Variants in CENPP observed in about 807,000 individuals in gnomAD.
CENPP encodes centromere protein P.
A neutral mutation model predicts 35.6 loss-of-function variants in CENPP; 24 were observed. The observed-to-expected ratio is 0.67, with a 90% CI of 0.49 to 0.95. The LOEUF (loss-of-function observed/expected upper bound fraction) is 0.95, where lower values mean the gene tolerates loss of function less well. Ranked by LOEUF, CENPP falls within the 40% of genes least tolerant of loss-of-function variation. The pLI, the probability that CENPP is intolerant of heterozygous loss-of-function variation, is 0.00. For synonymous variants in CENPP, 120 were observed against 125.5 expected (o/e 0.96, Z 0.29); for missense variants, 332 against 345.3 (o/e 0.96, Z 0.31).
chr9:92,385,651 A>T, intron 5 of CENPP: 1 of 1,614,176 alleles, frequency 6.2e-7, no homozygotes, highest in East Asian at 2.2e-5. Flanking sequence ...TAATCTTTTT[A>T]AGCAAATAAA....
At chr9:92,326,180 A>T in intron 1 of CENPP, 75 bp downstream of exon 1, 1 of 925,648 alleles carries the variant, frequency 1.1e-6, no homozygotes, top group Non-Finnish European at 1.6e-6. Flanking sequence ...CTCCACAGAC[A>T]TCCTCGGTCT....
At chr9:92,474,689 T>C in intron 5 of CENPP, 1 of 1,613,916 alleles carries the variant, frequency 6.2e-7, no homozygotes, top group African/African-American at 1.3e-5. Context: ...TGGAAACAGA[T>C]CAAATGGAAA....
chr9:92,351,669 C>T (rs1310982121), intron 4 of CENPP, among the ~76,000 whole-genome samples: 1 of 152,006 alleles, frequency 6.6e-6, no homozygotes, highest in Non-Finnish European at 1.5e-5. Context: ...CTCGCTCTGT[C>T]GCCCAGGCAG....
At chr9:92,335,443 T>C (rs1008957078) in intron 2 of CENPP, among the ~76,000 whole-genome samples, 2 of 152,200 alleles carry the variant, frequency 1.3e-5, no homozygotes, top group African/African-American at 2.4e-5. Context: ...TTTGGCACAT[T>C]TATTTTTATG....
intron 5 of CENPP, among the ~76,000 whole-genome samples, chr9:92,425,899 T>A (rs955089576): frequency 2.0e-5 from 3 of 152,246 alleles, no homozygotes; most frequent in Non-Finnish European, 4.4e-5. Context: ...AAAATTGTTT[T>A]ATAGGCCTTC....
intron 5 of CENPP, among the ~76,000 whole-genome samples, chr9:92,570,876 A>G (rs924335300): frequency 1.3e-5 from 2 of 152,190 alleles, no homozygotes; most frequent in Admixed American, 6.5e-5. Context: ...AGAGGTGTTT[A>G]TAGTATTATC....
At chr9:92,561,271 C>A (rs186867088) in intron 5 of CENPP, among the ~76,000 whole-genome samples, 1 of 152,268 alleles carries the variant, frequency 6.6e-6, no homozygotes, top group East Asian at 1.9e-4. Flanking sequence ...AGACAAACTA[C>A]CATCCCTGTT....
chr9:92,488,210 G>A (rs1472455964), intron 5 of CENPP, among the ~76,000 whole-genome samples: 2 of 152,216 alleles, frequency 1.3e-5, no homozygotes, highest in East Asian at 1.9e-4. Flanking sequence ...GTATGTAGAT[G>A]CTCATTGTGA....
chr9:92,590,669 AGAACTGT>A (rs1417389533), intron 5 of CENPP, among the ~76,000 whole-genome samples: 3 of 152,242 alleles, frequency 2.0e-5, no homozygotes, highest in Admixed American at 6.5e-5. Flanking sequence ...AATAAATCCA[AGAACTGT>A]ACAATCCCTT....
chr9:92,403,231 T>G (rs1843191552), intron 5 of CENPP: 3 of 1,541,304 alleles, frequency 1.9e-6, no homozygotes, highest in African/African-American at 1.4e-5. Context: ...AGAAATAAAG[T>G]ACCTTAATAT....
intron 5 of CENPP, among the ~76,000 whole-genome samples, chr9:92,588,669 T>G (rs1236505623): frequency 6.6e-6 from 1 of 152,168 alleles, no homozygotes; most frequent in Non-Finnish European, 1.5e-5. Context: ...TGTATAATGC[T>G]TAGTTGAAAT....
At chr9:92,578,568 T>G (rs1215675681) in intron 5 of CENPP, among the ~76,000 whole-genome samples, 2 of 152,246 alleles carry the variant, frequency 1.3e-5, no homozygotes, top group African/African-American at 2.4e-5. Context: ...GAGCATTTTT[T>G]CATGTGTCTG....
intron 5 of CENPP, among the ~76,000 whole-genome samples, chr9:92,394,707 C>G (rs748802450): frequency 6.6e-6 from 1 of 151,724 alleles, no homozygotes; most frequent in Non-Finnish European, 1.5e-5. Flanking sequence ...CGGGTTCAAG[C>G]AATTCTCCTG....
chr9:92,598,749 T>G (rs1387637884), intron 5 of CENPP, among the ~76,000 whole-genome samples: 1 of 151,932 alleles, frequency 6.6e-6, no homozygotes, highest in South Asian at 2.1e-4. Context: ...GAAGGGGTTT[T>G]TTTTTTTTTT....
chr9:92,588,560 A>T (rs1850596270), intron 5 of CENPP, among the ~76,000 whole-genome samples: 1 of 151,992 alleles, frequency 6.6e-6, no homozygotes, highest in South Asian at 2.1e-4. Context: ...GCCAGCTGTG[A>T]GTTTTAAAAG....
chr9:92,607,021 A>G (rs1372632903), intron 5 of CENPP, among the ~76,000 whole-genome samples: 1 of 152,104 alleles, frequency 6.6e-6, no homozygotes, highest in African/African-American at 2.4e-5. Context: ...AAAAGTAAAA[A>G]CCACCCAAAA....
At chr9:92,380,791 G>A (rs1488324542) in intron 5 of CENPP, among the ~76,000 whole-genome samples, 2 of 152,200 alleles carry the variant, frequency 1.3e-5, no homozygotes, top group Admixed American at 1.3e-4. Flanking sequence ...TGTGCTGGCA[G>A]TTATGGTAAT....
chr9:92,442,867 G>A (rs1342097166), intron 5 of CENPP, among the ~76,000 whole-genome samples: 2 of 151,190 alleles, frequency 1.3e-5, no homozygotes, highest in Non-Finnish European at 2.9e-5. Context: ...AAAAAACATT[G>A]GATACAATTA....
rs986871280 is a variant in CENPP at position 92,615,589 on chromosome 9, C to T, written c.*2440C>T. 26 of 488,726 alleles carry T rather than the reference C, an allele frequency of 5.3e-5. No individual in the cohort carries two copies. The highest frequency in any genetic ancestry group is 3.1e-4 in the Admixed American group (9 of 28,874). 30.3% of individuals were successfully genotyped at this position (488,726 alleles called of 1,614,324 possible). ...TCCAGAACGTCTTCCCAGGGCTTAA[C>T]GGACACTTCCATTTTAAGAGTGTGA... On this transcript the variant is annotated 3_prime_UTR_variant, in exon 8 of 8. Coordinates refer to ENST00000375587, the MANE Select transcript of CENPP (RefSeq NM_001012267.3).
Sources: gnomAD v4.1 joint callset for allele counts (sites outside exome capture counted in the v4.1 genomes callset) on GRCh38, gnomAD v4.1.1 for gene constraint, MANE v1.5 for transcripts, NCBI Gene and HGNC (gene_info 2026-07-23, HGNC 2026-07-21) for gene names.